Variants in PTPRM observed in about 807,000 individuals in gnomAD.
PTPRM encodes the protein protein tyrosine phosphatase receptor type M, also known as receptor-type tyrosine-protein phosphatase mu.
PTPRM carries 47 observed loss-of-function variants against 186.7 expected under a neutral mutation model. The observed-to-expected ratio is 0.25, with a 90% CI of 0.20 to 0.32. The LOEUF (loss-of-function observed/expected upper bound fraction) is 0.32, where lower values mean the gene tolerates loss of function less well. Ranked by LOEUF, PTPRM falls within the 10% of genes least tolerant of loss-of-function variation. The pLI is 1.00. For synonymous variants in PTPRM, 668 were observed against 674.9 expected, an observed-to-expected ratio of 0.99 and a Z score of 0.16; for missense variants, 1,494 against 1,865.0, an observed-to-expected ratio of 0.80 and a Z score of 3.66.
rs560144834 is a variant in PTPRM, at chr18:7,794,466, A to G, written c.196+20195A>G. 6.2e-4 allele frequency among the ~76,000 whole-genome samples: 94 copies of G among 152,270 alleles called. 1 individual carries two copies. Among genetic ancestry groups the G allele is most frequent in the Middle Eastern group, 3.4e-3 (1 of 294 alleles). On this transcript the variant is annotated intron_variant, in intron 2 of 32. Transcript: ENST00000580170. ...ACAAGGGAACCATTCCCGTTTCATTATGATGTTGAGTTCCACCTGGGTATG... is the reference window on the plus strand; with the variant it reads ...ACAAGGGAACCATTCCCGTTTCATTGTGATGTTGAGTTCCACCTGGGTATG...
intron 1 of PTPRM, among the ~76,000 whole-genome samples, chr18:7,705,279 TTATCTATC>T (rs67662119): frequency 0.092 from 13,487 of 146,498 alleles, 611 homozygotes; most frequent in East Asian, 0.13. Context: ...AAATATCTAT[TTATCTATC>T]TATCTATCTA....
chr18:7,731,405 T>C (rs2040656038), intron 1 of PTPRM, among the ~76,000 whole-genome samples: 1 of 152,216 alleles, frequency 6.6e-6, no homozygotes. Flanking sequence ...TGGTTGGTAT[T>C]GCAAGTATTA....
chr18:7,922,956 G>A (rs56166372), intron 4 of PTPRM, among the ~76,000 whole-genome samples: 6,416 of 152,156 alleles, frequency 0.042, 449 homozygotes, highest in African/African-American at 0.15. Context: ...TTTGGCACCC[G>A]CTAATTTTTT....
chr18:7,994,236 A>G (rs1326720216), intron 7 of PTPRM, among the ~76,000 whole-genome samples: 2 of 151,142 alleles, frequency 1.3e-5, no homozygotes, highest in Non-Finnish European at 2.9e-5. Flanking sequence ...ATAATTATAA[A>G]GGGATCAATT....
intron 19 of PTPRM, among the ~76,000 whole-genome samples, chr18:8,261,223 C>A (rs4130485): frequency 0.32 from 48,744 of 152,048 alleles, 8,063 homozygotes; most frequent in Admixed American, 0.4. Flanking sequence ...AAAACAAAAC[C>A]AAACCATTGA....
intron 14 of PTPRM, among the ~76,000 whole-genome samples, chr18:8,203,940 A>G (rs1319623156): frequency 4.6e-5 from 7 of 152,196 alleles, no homozygotes; most frequent in Non-Finnish European, 1.0e-4. Context: ...CCTGTCAAGG[A>G]GGGGGTAGAA....
chr18:8,366,183 T>C (rs1332046914), intron 23 of PTPRM, among the ~76,000 whole-genome samples: 2 of 152,156 alleles, frequency 1.3e-5, no homozygotes, highest in African/African-American at 2.4e-5. Flanking sequence ...CATGTCCTAT[T>C]TACAGATGAA....
At chr18:7,581,450 A>G (rs1411028722) in intron 1 of PTPRM, among the ~76,000 whole-genome samples, 1 of 152,152 alleles carries the variant, frequency 6.6e-6, no homozygotes, top group East Asian at 1.9e-4. Flanking sequence ...GCATTCATCT[A>G]TGCAGTCGAT....
intron 14 of PTPRM, among the ~76,000 whole-genome samples, chr18:8,237,505 A>G (rs748996048): frequency 2.2e-5 from 3 of 138,452 alleles, no homozygotes; most frequent in African/African-American, 5.4e-5. Flanking sequence ...CTGCAGTGCA[A>G]TGGCACGATC....
At chr18:7,952,088 C>CAT (rs909251829) in intron 6 of PTPRM, among the ~76,000 whole-genome samples, 5 of 152,038 alleles carry the variant, frequency 3.3e-5, no homozygotes, top group East Asian at 1.9e-4. Context: ...TGTATATATG[C>CAT]ATATATATAT....
intron 7 of PTPRM, among the ~76,000 whole-genome samples, chr18:8,025,469 TTTC>T (rs753992678): frequency 3.3e-5 from 5 of 152,222 alleles, no homozygotes; most frequent in Admixed American, 2.0e-4. Flanking sequence ...CCAGGAGAAG[TTTC>T]TTCTTTGTGT....
At chr18:8,195,263 C>T (rs1488002588) in intron 14 of PTPRM, among the ~76,000 whole-genome samples, 3 of 147,166 alleles carry the variant, frequency 2.0e-5, no homozygotes, top group Non-Finnish European at 4.4e-5. Context: ...TATGTATTTG[C>T]TTCGTGGTTC....
intron 4 of PTPRM, among the ~76,000 whole-genome samples, chr18:7,922,872 A>G (rs2050945708): frequency 6.6e-6 from 1 of 152,158 alleles, no homozygotes; most frequent in Admixed American, 6.5e-5. Flanking sequence ...AGTGTTCAAT[A>G]ATGGGGGATG....
At chr18:7,684,593 A>G (rs951380216) in intron 1 of PTPRM, among the ~76,000 whole-genome samples, 3 of 152,186 alleles carry the variant, frequency 2.0e-5, no homozygotes, top group African/African-American at 7.2e-5. Context: ...ATAGAATCAT[A>G]CGCTATTTGT....
At chr18:7,713,645 G>A (rs1020917088) in intron 1 of PTPRM, among the ~76,000 whole-genome samples, 17 of 148,836 alleles carry the variant, frequency 1.1e-4, no homozygotes, top group South Asian at 2.1e-4. Flanking sequence ...GCAAAAACAC[G>A]CATAGGCTCA....
chr18:7,846,785 C>T (rs2046619183), intron 2 of PTPRM, among the ~76,000 whole-genome samples: 1 of 152,292 alleles, frequency 6.6e-6, no homozygotes, highest in African/African-American at 2.4e-5. Flanking sequence ...CTTCGGAGCT[C>T]TGCTCAGCTA....
At chr18:8,356,143 C>CCAGCCTG (rs1434910618) in intron 23 of PTPRM, among the ~76,000 whole-genome samples, 1 of 152,186 alleles carries the variant, frequency 6.6e-6, no homozygotes, top group Non-Finnish European at 1.5e-5. Context: ...AGCACTGAAG[C>CCAGCCTG]CAGCCTGCAG....
intron 8 of PTPRM, among the ~76,000 whole-genome samples, chr18:8,074,680 T>A (rs1259776164): frequency 6.6e-6 from 1 of 152,234 alleles, no homozygotes; most frequent in Non-Finnish European, 1.5e-5. Flanking sequence ...TTCCTGTGCT[T>A]ATTGACTATT....
At chr18:8,005,864 G>A (rs1421253877) in intron 7 of PTPRM, among the ~76,000 whole-genome samples, 1 of 152,194 alleles carries the variant, frequency 6.6e-6, no homozygotes, top group Non-Finnish European at 1.5e-5. Context: ...TGTGGAATAA[G>A]TAGTCTTTTT....
Sources: gnomAD v4.1 joint callset for allele counts (sites outside exome capture counted in the v4.1 genomes callset) on GRCh38, gnomAD v4.1.1 for gene constraint, MANE v1.5 for transcripts, NCBI Gene and HGNC (gene_info 2026-07-23, HGNC 2026-07-21) for gene names.